CHRAC1: variants seen among roughly 807,000 people sequenced by gnomAD.
The protein encoded by CHRAC1 is chromatin accessibility complex protein 1.
Under a neutral mutation model 9.1 loss-of-function variants are expected in CHRAC1, and 6 were observed. That is an observed-to-expected ratio of 0.66 (90% confidence interval 0.36 to 1.29). The LOEUF (loss-of-function observed/expected upper bound fraction) is 1.29. Ranked by LOEUF, CHRAC1 falls within the 50% of genes most tolerant of loss-of-function variation. CHRAC1 has a pLI of 0.03. For synonymous variants in CHRAC1, 73 were observed against 64.5 expected (o/e 1.13, Z -0.63); for missense variants, 168 against 163.5 (o/e 1.03, Z -0.15).
intron 1 of CHRAC1, among the ~76,000 whole-genome samples, chr8:140,512,341 G>A (rs1055240797): frequency 2.6e-5 from 4 of 152,168 alleles, no homozygotes; most frequent in African/African-American, 7.2e-5. Flanking sequence ...GCGGTCCGAG[G>A]CTTTCGAGCC....
Position 140,511,543 on chromosome 8 carries a change from G to A in CHRAC1, c.44G>A (p.Arg15Gln). The A allele has an allele frequency of 7.0e-7, 1 of 1,426,302 alleles. No homozygotes were observed. Among genetic ancestry groups the A allele is most frequent in the Non-Finnish European group, 9.2e-7 (1 of 1,081,992 alleles). The allele number at this position is 1,426,302 out of a possible 1,614,324, so 88.4% of individuals were successfully genotyped here. The change falls in exon 1 of 3, where the codon CGG (arginine) becomes CAG (glutamine). Residue 15 changes from arginine to glutamine, a missense_variant. Arg to Gln is a conservative substitution (Grantham distance 43). Transcript: ENST00000220913. ...GGTAAAGACAAGGGCGGGGAGCAGC[G>A]GCTCATCTCGCTGCCTCTATCCCGC... ...VVGKDKGGEQ[R>Q]LISLPLSRIR...
At chr8:140,513,913 CT>C (rs57880666) in intron 1 of CHRAC1, among the ~76,000 whole-genome samples, 4,585 of 87,144 alleles carry the variant, frequency 0.053, 31 homozygotes, top group Non-Finnish European at 0.074. Flanking sequence ...CCAGTGATTT[CT>C]TTTTTTTTTT....
Position 140,516,005 on chromosome 8 carries a change from A to G in CHRAC1, c.*758A>G, listed in dbSNP as rs1192050197. ...AAAAAAAAATTTTGAAACATTTTGTATATTGGAGATCTCTCTCATCTTACT... is the reference window on the plus strand; with the variant it reads ...AAAAAAAAATTTTGAAACATTTTGTGTATTGGAGATCTCTCTCATCTTACT... On this transcript the variant is annotated 3_prime_UTR_variant, in exon 3 of 3. Transcript: ENST00000220913. 5 of 152,194 alleles carry G rather than the reference A, an allele frequency of 3.3e-5. No individual in the cohort carries two copies. Among genetic ancestry groups the G allele is most frequent in the Non-Finnish European group, 4.4e-5 (3 of 68,036 alleles). The allele number at this position is 152,194 out of a possible 1,614,324, so 9.4% of individuals were successfully genotyped here.
intron 1 of CHRAC1, chr8:140,511,965 T>TTCGCCCCGCCCACCCCACTG (rs1182241323): frequency 1.6e-6 from 2 of 1,263,416 alleles, no homozygotes; most frequent in Non-Finnish European, 2.1e-6. Context: ...CGTGCGCACC[T>TTCGCCCCGCCCACCCCACTG]TCGCCCCGCC....
At chr8:140,515,032 A>G (rs948965726) in intron 2 of CHRAC1, 94 bp from the exon 3 acceptor site, 7 of 1,206,566 alleles carry the variant, frequency 5.8e-6, no homozygotes, top group Non-Finnish European at 8.3e-6. Context: ...CCTCTTATAG[A>G]GGTCAAAGCA....
At chr8:140,511,673 C>T in intron 1 of CHRAC1, 27 bp downstream of exon 1, 1 of 1,324,448 alleles carries the variant, frequency 7.6e-7, no homozygotes, top group Non-Finnish European at 9.7e-7. Context: ...GGGGTGTGGG[C>T]CGCCCTTACC....
rs1218692828 is a variant in CHRAC1, at chr8:140,511,537, A to G, written c.38A>G (p.Glu13Gly). 2 of 1,413,666 alleles carry G rather than the reference A, an allele frequency of 1.4e-6. No individual in the cohort carries two copies. The highest frequency in any genetic ancestry group is 2.8e-5 in the Admixed American group (1 of 35,214). 87.6% of individuals were successfully genotyped at this position (1,413,666 alleles called of 1,614,324 possible). A position where few individuals can be genotyped will look rare whatever the true frequency, so the allele number is the denominator to read the frequency against. Residue 13 changes from glutamate (E) to glycine (G), a missense_variant, in exon 1 of 3, where the codon GAG becomes GGG. Physicochemically the swap from Glu to Gly is moderately conservative, Grantham distance 98. Transcript: ENST00000220913. ...GTCGTGGGTAAAGACAAGGGCGGGGAGCAGCGGCTCATCTCGCTGCCTCTA... is the reference window on the plus strand; with the variant it reads ...GTCGTGGGTAAAGACAAGGGCGGGGGGCAGCGGCTCATCTCGCTGCCTCTA... ...DVVVGKDKGG[E>G]QRLISLPLSR...
At chr8:140,514,248 A>C (rs1334604987) in intron 1 of CHRAC1, 121 bp from the exon 2 acceptor site, 1 of 1,082,330 alleles carries the variant, frequency 9.2e-7, no homozygotes, top group African/African-American at 1.7e-5. Flanking sequence ...AACCAAGAGA[A>C]TCTGAAGTCT....
At position 140,515,310 on chromosome 8, in the gene CHRAC1, A is replaced by G; in HGVS notation, c.*63A>G. 1 of 1,555,670 alleles carries G rather than the reference A, an allele frequency of 6.4e-7. No individual in the cohort carries two copies. The highest frequency in any genetic ancestry group is 8.7e-7 in the Non-Finnish European group (1 of 1,143,156). The stretch of plus-strand genomic sequence containing the variant: ...CCCTGGACCCACTCCACTGTCTCTA[A>G]GTAAACACAGCACTGCCCGCTTTTA... On this transcript the variant is annotated 3_prime_UTR_variant, in exon 3 of 3. Coordinates refer to ENST00000220913, the MANE Select transcript of CHRAC1 (RefSeq NM_017444.6).
At chr8:140,513,075 C>T (rs2072296961) in intron 1 of CHRAC1, among the ~76,000 whole-genome samples, 1 of 152,224 alleles carries the variant, frequency 6.6e-6, no homozygotes, top group African/African-American at 2.4e-5. Context: ...GCCTCAGCCT[C>T]CCAAAGTGCT....
In CHRAC1 at chr8:140,516,602, CCT is replaced by C. The variant is rs2072340413; in HGVS notation, c.*1358_*1359del. The C allele has an allele frequency of 6.6e-6, 1 of 151,672 alleles. No homozygotes were observed. The highest frequency in any genetic ancestry group is 1.5e-5 in the Non-Finnish European group (1 of 68,008). The allele number at this position is 151,672 out of a possible 1,614,324, so 9.4% of individuals were successfully genotyped here. Reference sequence around the variant, plus strand: ...GCCACCCAGGACATTCCCCTCTGTTCCTCTGTTCCTCTCTTCTCCTGCCCCCT... The same window carrying C: ...GCCACCCAGGACATTCCCCTCTGTTCCTGTTCCTCTCTTCTCCTGCCCCCT... On this transcript the variant is annotated 3_prime_UTR_variant, in exon 3 of 3. Transcript: ENST00000220913.
intron 1 of CHRAC1, among the ~76,000 whole-genome samples, chr8:140,513,290 T>C (rs1294156653): frequency 1.3e-5 from 2 of 152,246 alleles, no homozygotes; most frequent in Non-Finnish European, 2.9e-5. Context: ...TGTCAGTTCC[T>C]AGAATAGAAA....
In CHRAC1 at chr8:140,511,631, CA is replaced by C; in HGVS notation, c.133del (p.Thr45ArgfsTer12). 7.0e-7 allele frequency: 1 copy of C among 1,437,834 alleles called. No homozygotes were observed. Among genetic ancestry groups the C allele is most frequent in the Non-Finnish European group, 9.2e-7 (1 of 1,088,200 alleles). 89.1% of individuals were successfully genotyped at this position (1,437,834 alleles called of 1,614,324 possible). A position where few individuals can be genotyped will look rare whatever the true frequency, so the allele number is the denominator to read the frequency against. ...SSINQEALVL[T>X]AKATELFVQC... ...GCATCAACCAGGAGGCGTTGGTGCTCACGGCCAAGGCCACGGTGAGGGGGCA... is the reference window on the plus strand; with the variant it reads ...GCATCAACCAGGAGGCGTTGGTGCTCCGGCCAAGGCCACGGTGAGGGGGCA... On this transcript the variant is annotated frameshift_variant, in exon 1 of 3. Transcript: ENST00000220913. LOFTEE classifies it high-confidence loss of function.
At chr8:140,515,059 G>C (rs1313091862) in intron 2 of CHRAC1, 67 bp from the exon 3 acceptor site, 1 of 1,487,070 alleles carries the variant, frequency 6.7e-7, no homozygotes, top group Non-Finnish European at 9.2e-7. Flanking sequence ...AGTACATTTT[G>C]AAATGTGCAT....
At position 140,515,370 on chromosome 8, in the gene CHRAC1, G is replaced by A. The variant is rs577515530; in HGVS notation, c.*123G>A. ...CTTCTTCACAGAGTTCCAGTGTGTG[G>A]TATTCTTTCGAGGTATTCTTTCCAG... On this transcript the variant is annotated 3_prime_UTR_variant, in exon 3 of 3. Coordinates refer to ENST00000220913, the MANE Select transcript of CHRAC1 (RefSeq NM_017444.6). 3.7e-5 allele frequency: 36 copies of A among 961,502 alleles called. 1 individual carries two copies. In the South Asian group the frequency reaches 5.9e-4, roughly 16 times the overall value. 59.6% of individuals were successfully genotyped at this position (961,502 alleles called of 1,614,324 possible).
intron 1 of CHRAC1, 76 bp downstream of exon 1, chr8:140,511,722 G>C: frequency 8.2e-7 from 1 of 1,221,936 alleles, no homozygotes; most frequent in South Asian, 2.8e-5. Flanking sequence ...GCACTGCCCA[G>C]TCCCCTTAGG....
chr8:140,512,707 T>G (rs1377933317), intron 1 of CHRAC1, among the ~76,000 whole-genome samples: 1 of 152,228 alleles, frequency 6.6e-6, no homozygotes, highest in Non-Finnish European at 1.5e-5. Flanking sequence ...CAGAGCCATG[T>G]TTTCCTAGAG....
Position 140,514,445 on chromosome 8 carries a change from G to A in CHRAC1, c.224G>A (p.Ser75Asn), listed in dbSNP as rs190670493. 58 of 1,582,312 alleles carry A rather than the reference G, an allele frequency of 3.7e-5. No homozygotes were observed. In the East Asian group the frequency reaches 1.1e-3, roughly 29 times the overall value. The stretch of plus-strand genomic sequence containing the variant: ...AAGGAAAAGAAAGTACTGACTTACA[G>A]TGATTTAGCAAACACTGCACAGCAA... ...SGKEKKVLTYSDLANTAQQSE... is the reference protein window; with the variant it reads ...SGKEKKVLTYNDLANTAQQSE... Residue 75 changes from serine to asparagine, a missense_variant, in exon 2 of 3, where the codon AGT (serine) becomes AAT (asparagine). By Grantham distance (46) the Ser-to-Asn change is conservative. Transcript: ENST00000220913.
In CHRAC1 at chr8:140,511,490, G is replaced by T. The variant is rs777561866; in HGVS notation, c.-10G>T. 3 of 1,314,876 alleles carry T rather than the reference G, an allele frequency of 2.3e-6. No individual in the cohort carries two copies. Among genetic ancestry groups the T allele is most frequent in the African/African-American group, 1.5e-5 (1 of 64,852 alleles). The allele number at this position is 1,314,876 out of a possible 1,614,324, so 81.5% of individuals were successfully genotyped here. A position where few individuals can be genotyped will look rare whatever the true frequency, so the allele number is the denominator to read the frequency against. On this transcript the variant is annotated 5_prime_UTR_variant, in exon 1 of 3. Coordinates refer to ENST00000220913, the MANE Select transcript of CHRAC1 (RefSeq NM_017444.6). ...CGCCGGCTGCGGGCACCCGCGCGAC[G>T]GGCGGGAAGATGGCGGACGTGGTCG...
Sources: gnomAD v4.1 joint callset for allele counts (sites outside exome capture counted in the v4.1 genomes callset) on GRCh38, gnomAD v4.1.1 for gene constraint, MANE v1.5 for transcripts, NCBI Gene and HGNC (gene_info 2026-07-23, HGNC 2026-07-21) for gene names.